DISC1: variants seen among roughly 807,000 people sequenced by gnomAD.
The protein encoded by DISC1 is DISC1 scaffold protein.
DISC1 carries 57 observed loss-of-function variants against 84.5 expected under a neutral mutation model. The ratio of observed to expected loss-of-function variants is 0.67; its 90% CI spans 0.55 to 0.84. The LOEUF (loss-of-function observed/expected upper bound fraction) is 0.84. DISC1 is among the 40% of genes least tolerant of loss of function. DISC1 has a pLI of 0.00. For synonymous variants in DISC1, 411 were observed against 415.2 expected (o/e 0.99, Z 0.12); for missense variants, 1,000 against 1,057.8 (o/e 0.95, Z 0.76).
At chr1:231,807,743 G>A (rs1167615108) in intron 8 of DISC1, among the ~76,000 whole-genome samples, 1 of 152,182 alleles carries the variant, frequency 6.6e-6, no homozygotes, top group Non-Finnish European at 1.5e-5. Context: ...ACTGTGTGTT[G>A]GCAGGCTTCT....
At chr1:231,902,802 C>T (rs906592648) in intron 9 of DISC1, among the ~76,000 whole-genome samples, 11 of 152,104 alleles carry the variant, frequency 7.2e-5, no homozygotes, top group Non-Finnish European at 1.3e-4. Context: ...TAAATCTCTG[C>T]GATCTGAAAT....
Position 231,679,256 on chromosome 1 carries a change from C to T in DISC1, c.68-14570C>T, listed in dbSNP as rs946368816. Among the ~76,000 whole-genome samples the T allele has an allele frequency of 2.0e-5, 3 of 152,350 alleles. No individual in the cohort carries two copies. In the South Asian group the frequency reaches 6.2e-4, roughly 32 times the overall value. On this transcript the variant is annotated intron_variant, in intron 1 of 12. Transcript: ENST00000439617. Reference sequence around the variant, plus strand: ...TGGTTGGTTTCTGACCGGGCGGGCACTTAGCTCCATGCTGGTCTGTGCCTG... The same window carrying T: ...TGGTTGGTTTCTGACCGGGCGGGCATTTAGCTCCATGCTGGTCTGTGCCTG...
rs1203546050 is a variant in DISC1, at chr1:231,669,434, G to C, written c.68-24392G>C. ...GAAAAAACTATCAACACAGTAAACA[G>C]ACAACCTACAGAATGGGAGAAAATT... On this transcript the variant is annotated intron_variant, in intron 1 of 12. Transcript: ENST00000439617. Among the ~76,000 whole-genome samples the C allele has an allele frequency of 2.0e-5, 3 of 152,162 alleles. No individual in the cohort carries two copies. The South Asian group carries it at 6.2e-4, about 32-fold the overall frequency.
At chr1:231,775,063 A>C (rs2076859318) in intron 6 of DISC1, among the ~76,000 whole-genome samples, 1 of 152,212 alleles carries the variant, frequency 6.6e-6, no homozygotes, top group African/African-American at 2.4e-5. Context: ...AAAACCTTGA[A>C]GTCTTATAAA....
At position 231,639,006 on chromosome 1, in the gene DISC1, T is replaced by G. The variant is rs115217437; in HGVS notation, c.67+12072T>G. On this transcript the variant is annotated intron_variant, in intron 1 of 12. Coordinates refer to ENST00000439617, the MANE Select transcript of DISC1 (RefSeq NM_018662.3). ...TAGACTTATAGTAACAGTAAAGACT[T>G]ACTGAATTGGGTTGCTTTAAAACAG... 2.5e-3 allele frequency among the ~76,000 whole-genome samples: 377 copies of G among 152,302 alleles called. 6 individuals carry two copies. Among genetic ancestry groups the G allele is most frequent in the African/African-American group, 8.7e-3 (360 of 41,576 alleles).
intron 9 of DISC1, among the ~76,000 whole-genome samples, chr1:231,850,356 C>A (rs201106355): frequency 3.3e-5 from 5 of 152,250 alleles, no homozygotes; most frequent in Non-Finnish European, 5.9e-5. Context: ...CCAGAGTTGA[C>A]CATCAAGTAA....
At chr1:231,865,120 G>T (rs559778639) in intron 9 of DISC1, among the ~76,000 whole-genome samples, 95 of 152,314 alleles carry the variant, frequency 6.2e-4, no homozygotes, top group East Asian at 3.9e-4. Context: ...CACTCCATTT[G>T]CCGAGGTCCG....
chr1:231,681,798 C>T (rs535396651), intron 1 of DISC1, among the ~76,000 whole-genome samples: 65 of 152,086 alleles, frequency 4.3e-4, no homozygotes, highest in South Asian at 1.2e-3. Context: ...TGGGTTCAAG[C>T]GATTCTCCTG....
chr1:231,938,857 G>T (rs1372978384), intron 9 of DISC1, among the ~76,000 whole-genome samples: 1 of 152,150 alleles, frequency 6.6e-6, no homozygotes, highest in East Asian at 1.9e-4. Context: ...GCTTGGCTGT[G>T]TTAAAAACAC....
intron 9 of DISC1, among the ~76,000 whole-genome samples, chr1:231,833,120 A>G (rs1392291584): frequency 4.4e-4 from 66 of 150,524 alleles, no homozygotes; most frequent in Middle Eastern, 3.4e-3. Flanking sequence ...CGGCAATGAG[A>G]TTCAGCTGTA....
At chr1:231,956,407 A>T (rs1184284133) in intron 9 of DISC1, among the ~76,000 whole-genome samples, 2 of 152,036 alleles carry the variant, frequency 1.3e-5, no homozygotes, top group Non-Finnish European at 2.9e-5. Flanking sequence ...GGTGAGAAAA[A>T]ATATTCTACT....
chr1:231,988,109 C>T (rs1267701349), intron 10 of DISC1, among the ~76,000 whole-genome samples: 1 of 152,094 alleles, frequency 6.6e-6, no homozygotes, highest in Non-Finnish European at 1.5e-5. Flanking sequence ...TCACTTGAAC[C>T]TGGGAGGCAG....
intron 1 of DISC1, among the ~76,000 whole-genome samples, chr1:231,680,158 G>C (rs919704072): frequency 6.6e-6 from 1 of 152,160 alleles, no homozygotes; most frequent in African/African-American, 2.4e-5. Flanking sequence ...AACACAGGGG[G>C]CGGAGGCTGT....
intron 9 of DISC1, among the ~76,000 whole-genome samples, chr1:231,904,385 G>A (rs533392547): frequency 1.2e-4 from 19 of 152,262 alleles, no homozygotes; most frequent in African/African-American, 4.6e-4. Context: ...GTCAGGTAGA[G>A]CAAAGTAAGC....
intron 10 of DISC1, among the ~76,000 whole-genome samples, chr1:231,983,238 C>T (rs6695158): frequency 0.035 from 5,313 of 151,898 alleles, 310 homozygotes; most frequent in African/African-American, 0.12. Flanking sequence ...AGTTGTTTCA[C>T]CAGTGGCAAT....
intron 8 of DISC1, among the ~76,000 whole-genome samples, chr1:231,801,124 A>G (rs1309043136): frequency 1.3e-5 from 2 of 152,192 alleles, no homozygotes; most frequent in African/African-American, 4.8e-5. Flanking sequence ...TCAGATCATT[A>G]AACAACTAAT....
chr1:231,769,999 G>C (rs892473929), intron 5 of DISC1, among the ~76,000 whole-genome samples: 1 of 152,110 alleles, frequency 6.6e-6, no homozygotes, highest in African/African-American at 2.4e-5. Flanking sequence ...AGTGGGTTCA[G>C]GAGGTAGAAG....
At chr1:231,783,473 G>T (rs2077586075) in intron 6 of DISC1, among the ~76,000 whole-genome samples, 1 of 152,114 alleles carries the variant, frequency 6.6e-6, no homozygotes, top group South Asian at 2.1e-4. Flanking sequence ...ACAAATGTCT[G>T]TAAGTCAAAA....
At chr1:231,795,844 G>A (rs1215942928) in intron 7 of DISC1, among the ~76,000 whole-genome samples, 1 of 152,042 alleles carries the variant, frequency 6.6e-6, no homozygotes, top group Non-Finnish European at 1.5e-5. Flanking sequence ...AGCCGAGATT[G>A]CACCATTGCA....
Sources: allele counts gnomAD v4.1 joint callset (sites outside exome capture counted in the v4.1 genomes callset), GRCh38; gene constraint gnomAD v4.1.1; transcripts MANE v1.5; gene names NCBI Gene and HGNC (gene_info 2026-07-23, HGNC 2026-07-21).